HEMK1: variants seen among roughly 807,000 people sequenced by gnomAD.
HEMK1 encodes HemK methyltransferase 1, mitochondrial release factors N(5)-glutamine.
A neutral mutation model predicts 47.9 loss-of-function variants in HEMK1; 36 were observed. The observed-to-expected ratio is 0.75, with a 90% CI of 0.58 to 0.99. HEMK1 has a LOEUF of 0.99. Ranked by LOEUF, HEMK1 falls within the 50% of genes least tolerant of loss-of-function variation. HEMK1 has a pLI of 0.00. For synonymous variants in HEMK1, 153 were observed against 165.4 expected, an observed-to-expected ratio of 0.93 and a Z score of 0.57; for missense variants, 383 against 434.5, an observed-to-expected ratio of 0.88 and a Z score of 1.05.
At chr3:50,579,238 A>G (rs2030352328) in intron 8 of HEMK1, among the ~76,000 whole-genome samples, 1 of 152,132 alleles carries the variant, frequency 6.6e-6, no homozygotes. Context: ...CATCAAACAC[A>G]GTGGAGGGCT....
rs1329363402 is a variant in HEMK1 at position 50,589,318 on chromosome 3, C to G, written c.*8901C>G. 6.6e-6 allele frequency: 1 copy of G among 152,176 alleles called. No homozygotes were observed. Among genetic ancestry groups the G allele is most frequent in the East Asian group, 1.9e-4 (1 of 5,200 alleles). The allele number at this position is 152,176 out of a possible 1,614,324, so 9.4% of individuals were successfully genotyped here. A position where few individuals can be genotyped will look rare whatever the true frequency, so the allele number is the denominator to read the frequency against. ...AGGGACAGCAAGAGAAGCCTTATCT[C>G]AAGCTCAGCACAAACCCTGTTCTCT... On this transcript the variant is annotated 3_prime_UTR_variant, in exon 11 of 11. Coordinates refer to ENST00000232854, the MANE Select transcript of HEMK1 (RefSeq NM_016173.5).
chr3:50,579,328 C>T (rs1313075650), intron 8 of HEMK1, among the ~76,000 whole-genome samples: 4 of 152,096 alleles, frequency 2.6e-5, no homozygotes, highest in South Asian at 2.1e-4. Flanking sequence ...TGTCTGTGGT[C>T]GCATGGGGGC....
chr3:50,578,579 G>A (rs913591042), intron 7 of HEMK1, among the ~76,000 whole-genome samples: 1 of 152,230 alleles, frequency 6.6e-6, no homozygotes, highest in South Asian at 2.1e-4. Context: ...TGCATAATAA[G>A]GAGGATTTTT....
intron 3 of HEMK1, 111 bp downstream of exon 3, chr3:50,571,912 G>A: frequency 2.3e-6 from 3 of 1,282,888 alleles, no homozygotes; most frequent in East Asian, 2.6e-5. Context: ...CTAGGGAGGT[G>A]TTGGGGTGCA....
chr3:50,582,080 G>A lies in HEMK1; in HGVS notation c.*1663G>A, dbSNP rs1233512915. The A allele has an allele frequency of 6.6e-6, 1 of 152,278 alleles. No individual in the cohort carries two copies. Among genetic ancestry groups the A allele is most frequent in the African/African-American group, 2.4e-5 (1 of 41,426 alleles). The allele number at this position is 152,278 out of a possible 1,614,324, so 9.4% of individuals were successfully genotyped here. A position where few individuals can be genotyped will look rare whatever the true frequency, so the allele number is the denominator to read the frequency against. ...CCTTTGGCTCTTGCTGTCTTCAGCAGCATCTCAGGGTAGCTGCCCTGACCT... is the reference window on the plus strand; with the variant it reads ...CCTTTGGCTCTTGCTGTCTTCAGCAACATCTCAGGGTAGCTGCCCTGACCT... On this transcript the variant is annotated 3_prime_UTR_variant, in exon 11 of 11. Transcript: ENST00000232854.
Position 50,580,379 on chromosome 3 carries a change from A to G in HEMK1, c.981-2A>G, listed in dbSNP as rs1418654438. The G allele has an allele frequency of 3.1e-6, 5 of 1,613,988 alleles. No homozygotes were observed. In the Admixed American group the frequency reaches 8.3e-5, roughly 27 times the overall value. On this transcript the variant is annotated splice_acceptor_variant, in intron 10 of 10. Transcript: ENST00000232854. LOFTEE classifies it high-confidence loss of function. ...AACCAGCCCCTGTCCCTGTCTCCTC[A>G]GGCCCCGGTTCCTGCATATCCGGAG...
chr3:50,578,282 C>G (rs1015641591), intron 7 of HEMK1, among the ~76,000 whole-genome samples: 5 of 152,254 alleles, frequency 3.3e-5, no homozygotes, highest in African/African-American at 1.2e-4. Context: ...ATAGCCTTTA[C>G]AGTGTCTCCA....
At chr3:50,577,020 C>T (rs1223035256) in intron 4 of HEMK1, 32 bp from the exon 5 acceptor site, 7 of 1,612,738 alleles carry the variant, frequency 4.3e-6, no homozygotes, top group Non-Finnish European at 3.4e-6. Context: ...CACGTTGGCA[C>T]CGACTCTGAT....
chr3:50,592,278 G>T lies in HEMK1; in HGVS notation c.*11861G>T, dbSNP rs558412899. The T allele has an allele frequency of 2.6e-5, 4 of 151,866 alleles. No homozygotes were observed. Among genetic ancestry groups the T allele is most frequent in the Non-Finnish European group, 5.9e-5 (4 of 67,964 alleles). 9.4% of individuals were successfully genotyped at this position (151,866 alleles called of 1,614,324 possible). ...TGGCACCCCCTGAGAACCACACTCC[G>T]TTGACCTCTGGGAAATGGAGGCTGG... On this transcript the variant is annotated 3_prime_UTR_variant, in exon 11 of 11. Coordinates refer to ENST00000232854, the MANE Select transcript of HEMK1 (RefSeq NM_016173.5).
chr3:50,579,228 C>G (rs958193114), intron 8 of HEMK1, among the ~76,000 whole-genome samples: 6 of 152,196 alleles, frequency 3.9e-5, no homozygotes, highest in Admixed American at 2.6e-4. Context: ...GACTTGAAAG[C>G]ATCAAACACA....
rs144384951 is a variant in HEMK1 at position 50,571,268 on chromosome 3, G to C, written c.164G>C (p.Arg55Thr). The C allele has an allele frequency of 2.9e-5, 46 of 1,613,124 alleles. No individual in the cohort carries two copies. The highest frequency in any genetic ancestry group is 3.2e-5 in the Non-Finnish European group (38 of 1,179,596). ...CACTGGACTGGGGTCTTTGAGAAGA[G>C]GGGTATCCCTGAGGCCCGGGAATCC... Reference protein sequence around the residue: ...VSHWTGVFEKRGIPEARESSE... With the variant: ...VSHWTGVFEKTGIPEARESSE... The change falls in exon 2 of 11, where the codon AGG becomes ACG. Residue 55 changes from arginine to threonine, a missense_variant. Transcript: ENST00000232854.
At chr3:50,578,776 C>G in intron 7 of HEMK1, 45 bp from the exon 8 acceptor site, 1 of 1,316,674 alleles carries the variant, frequency 7.6e-7, no homozygotes, top group East Asian at 2.4e-5. Flanking sequence ...TCCTTTACCT[C>G]CCAATGGGTT....
At chr3:50,571,421 C>A in intron 2 of HEMK1, 89 bp downstream of exon 2, 1 of 988,682 alleles carries the variant, frequency 1.0e-6, no homozygotes, top group Non-Finnish European at 1.5e-6. Flanking sequence ...ACTAAGAGTG[C>A]TTAGCTGAGA....
At position 50,583,288 on chromosome 3, in the gene HEMK1, C is replaced by G. The variant is rs1179519981; in HGVS notation, c.*2871C>G. The G allele has an allele frequency of 6.6e-6, 1 of 152,220 alleles. No homozygotes were observed. The highest frequency in any genetic ancestry group is 1.5e-5 in the Non-Finnish European group (1 of 68,038). 9.4% of individuals were successfully genotyped at this position (152,220 alleles called of 1,614,324 possible). On this transcript the variant is annotated 3_prime_UTR_variant, in exon 11 of 11. Transcript: ENST00000232854. ...TGCCTTATTGAAATAGGCCCCGAAC[C>G]CCCTAAATGCAAAAAATACTCTTTT...
chr3:50,594,334 A>G lies in HEMK1; in HGVS notation c.*13917A>G, dbSNP rs1279288111. On this transcript the variant is annotated 3_prime_UTR_variant, in exon 11 of 11. Transcript: ENST00000232854. Reference sequence around the variant, plus strand: ...TCAGTGAGCTGATTGCCAGGACTACACTGTCATACTGTGGTACCAAAGAAA... The same window carrying G: ...TCAGTGAGCTGATTGCCAGGACTACGCTGTCATACTGTGGTACCAAAGAAA... 6.6e-6 allele frequency: 1 copy of G among 152,074 alleles called. No homozygotes were observed. The highest frequency in any genetic ancestry group is 1.5e-5 in the Non-Finnish European group (1 of 68,018). 9.4% of individuals were successfully genotyped at this position (152,074 alleles called of 1,614,324 possible).
intron 4 of HEMK1, 92 bp downstream of exon 4, chr3:50,572,300 G>T (rs1052150715): frequency 2.1e-6 from 3 of 1,428,104 alleles, no homozygotes; most frequent in African/African-American, 2.8e-5. Context: ...GGGCACTGGG[G>T]CCCCATGACT....
rs1375078194 is a variant in HEMK1 at position 50,590,451 on chromosome 3, G to A, written c.*10034G>A. On this transcript the variant is annotated 3_prime_UTR_variant, in exon 11 of 11. Coordinates refer to ENST00000232854, the MANE Select transcript of HEMK1 (RefSeq NM_016173.5). ...CATGCCTGTAATTCCAGCTACTCGG[G>A]AGGCTGAGGCAGGAGAATCGCTTGA... 6.6e-6 allele frequency: 1 copy of A among 152,280 alleles called. No individual in the cohort carries two copies. Among genetic ancestry groups the A allele is most frequent in the Non-Finnish European group, 1.5e-5 (1 of 68,194 alleles). The allele number at this position is 152,280 out of a possible 1,614,324, so 9.4% of individuals were successfully genotyped here.
intron 4 of HEMK1, among the ~76,000 whole-genome samples, chr3:50,576,610 A>G (rs1369189343): frequency 2.0e-5 from 3 of 152,158 alleles, no homozygotes; most frequent in South Asian, 2.1e-4. Flanking sequence ...GGGTTTCACC[A>G]TGTTGGCCAG....
chr3:50,573,911 C>T (rs773887421), intron 4 of HEMK1, among the ~76,000 whole-genome samples: 1 of 152,210 alleles, frequency 6.6e-6, no homozygotes, highest in Non-Finnish European at 1.5e-5. Flanking sequence ...GTGAACCATT[C>T]TCACCCAGCC....
Sources: allele counts gnomAD v4.1 joint callset (sites outside exome capture counted in the v4.1 genomes callset), GRCh38; gene constraint gnomAD v4.1.1; transcripts MANE v1.5; gene names NCBI Gene and HGNC (gene_info 2026-07-23, HGNC 2026-07-21).